DLGAP2: variants seen among roughly 807,000 people sequenced by gnomAD.
DLGAP2 encodes the protein disks large-associated protein 2.
DLGAP2 carries 26 observed loss-of-function variants against 100.3 expected under a neutral mutation model. The ratio of observed to expected loss-of-function variants is 0.26; its 90% CI spans 0.19 to 0.36. DLGAP2 has a LOEUF of 0.36. DLGAP2 is among the 10% of genes least tolerant of loss of function. The pLI is 1.00. For missense variants in DLGAP2, 1,858 were observed against 1,453.2 expected (o/e 1.28, Z -4.53); for synonymous variants, 886 against 630.1 (o/e 1.41, Z -6.08).
chr8:883,783 C>G (rs1797866644), intron 1 of DLGAP2, among the ~76,000 whole-genome samples: 1 of 152,186 alleles, frequency 6.6e-6, no homozygotes. Flanking sequence ...TGTAAGTTTC[C>G]TCCCCCCACT....
intron 3 of DLGAP2, among the ~76,000 whole-genome samples, chr8:1,498,528 A>G (rs1284051550): frequency 1.3e-5 from 2 of 152,200 alleles, no homozygotes; most frequent in Admixed American, 6.5e-5. Context: ...TTTGTAGGGC[A>G]TGACTCCCCA....
At chr8:1,364,276 G>A (rs1802055077) in intron 3 of DLGAP2, among the ~76,000 whole-genome samples, 1 of 152,210 alleles carries the variant, frequency 6.6e-6, no homozygotes, top group Non-Finnish European at 1.5e-5. Flanking sequence ...TGCCCCCAGA[G>A]GAGGGGTGCC....
intron 3 of DLGAP2, among the ~76,000 whole-genome samples, chr8:1,274,476 C>G (rs370564421): frequency 6.0e-5 from 7 of 116,046 alleles, no homozygotes; most frequent in Non-Finnish European, 1.4e-4. Context: ...TATTTTAGAA[C>G]ATAAACCATA....
At chr8:803,102 C>T (rs766499622) in intron 1 of DLGAP2, among the ~76,000 whole-genome samples, 2 of 152,162 alleles carry the variant, frequency 1.3e-5, no homozygotes, top group Non-Finnish European at 2.9e-5. Flanking sequence ...GGCTTCTGGG[C>T]TCCGTGGCTC....
chr8:1,146,596 T>A (rs1262818834), intron 2 of DLGAP2, among the ~76,000 whole-genome samples: 1 of 152,026 alleles, frequency 6.6e-6, no homozygotes, highest in African/African-American at 2.4e-5. Context: ...TGTGTGCACC[T>A]GCGCATGTGT....
chr8:945,088 C>G (rs933913112), intron 2 of DLGAP2, among the ~76,000 whole-genome samples: 5 of 152,196 alleles, frequency 3.3e-5, no homozygotes, highest in Non-Finnish European at 7.4e-5. Flanking sequence ...TTTGGGAATT[C>G]TTTGACAGAA....
At chr8:1,306,194 CCCCA>C (rs917492839) in intron 3 of DLGAP2, among the ~76,000 whole-genome samples, 2 of 151,728 alleles carry the variant, frequency 1.3e-5, no homozygotes, top group African/African-American at 4.8e-5. Context: ...GAAGATTCCC[CCCCA>C]CCCACACACA....
At chr8:1,688,317 AGGCCCCGGT>A (rs1360830327) in intron 12 of DLGAP2, 1 of 152,264 alleles carries the variant, frequency 6.6e-6, no homozygotes, top group African/African-American at 2.4e-5. Flanking sequence ...GAACGGCACA[AGGCCCCGGT>A]GTTAAGATGC....
At chr8:1,004,324 A>G (rs1801045086) in intron 2 of DLGAP2, among the ~76,000 whole-genome samples, 1 of 152,190 alleles carries the variant, frequency 6.6e-6, no homozygotes, top group Non-Finnish European at 1.5e-5. Flanking sequence ...GCATTTGGCC[A>G]CTTTAATTTT....
At chr8:1,425,247 TC>T (rs1797206201) in intron 3 of DLGAP2, among the ~76,000 whole-genome samples, 1 of 152,224 alleles carries the variant, frequency 6.6e-6, no homozygotes, top group Non-Finnish European at 1.5e-5. Flanking sequence ...AGTGAAAATA[TC>T]TGTCTGTATT....
intron 3 of DLGAP2, among the ~76,000 whole-genome samples, chr8:1,485,488 G>A (rs1318797332): frequency 2.0e-5 from 3 of 152,256 alleles, no homozygotes; most frequent in Admixed American, 2.0e-4. Context: ...TAATGGACTC[G>A]CTGGATGCAG....
At chr8:1,107,945 G>T (rs73524655) in intron 2 of DLGAP2, among the ~76,000 whole-genome samples, 1 of 152,192 alleles carries the variant, frequency 6.6e-6, no homozygotes, top group Non-Finnish European at 1.5e-5. Context: ...GTAACCCTGG[G>T]TTGTGGACTC....
intron 1 of DLGAP2, among the ~76,000 whole-genome samples, chr8:852,271 T>C (rs1797196090): frequency 6.6e-6 from 1 of 152,194 alleles, no homozygotes; most frequent in Admixed American, 6.5e-5. Flanking sequence ...TCCCTGCACG[T>C]GGATCTGGAG....
At chr8:1,600,972 A>G (rs115480652) in intron 6 of DLGAP2, among the ~76,000 whole-genome samples, 1,575 of 152,196 alleles carry the variant, frequency 0.01, 18 homozygotes, top group African/African-American at 0.023. Context: ...GGAATTTTCA[A>G]CCTTGTTGTG....
chr8:815,337 C>A (rs373257962), intron 1 of DLGAP2, among the ~76,000 whole-genome samples: 2 of 152,134 alleles, frequency 1.3e-5, no homozygotes, highest in African/African-American at 4.8e-5. Context: ...TCCCTCAAGC[C>A]TTTTTAGGAG....
intron 2 of DLGAP2, among the ~76,000 whole-genome samples, chr8:1,138,349 T>C (rs1184085968): frequency 6.6e-6 from 1 of 152,252 alleles, no homozygotes; most frequent in Non-Finnish European, 1.5e-5. Context: ...CTGGAAGCTC[T>C]GCAGGCCCTG....
rs377648544 is a variant in DLGAP2 at position 824,990 on chromosome 8, C to T, written c.19-82922C>T. Among the ~76,000 whole-genome samples the T allele has an allele frequency of 1.7e-4, 26 of 152,272 alleles. No homozygotes were observed. In the South Asian group the frequency reaches 4.4e-3, roughly 26 times the overall value. ...CCCACCTCCGTGGCGGTCTTTGGAG[C>T]GATGTCTTCTGGCTGCAGGACAAGC... On this transcript the variant is annotated intron_variant, in intron 1 of 14. Transcript: ENST00000637795.
intron 2 of DLGAP2, among the ~76,000 whole-genome samples, chr8:1,010,648 G>T (rs923682019): frequency 6.6e-6 from 1 of 152,224 alleles, no homozygotes; most frequent in African/African-American, 2.4e-5. Flanking sequence ...AATGGGTGAG[G>T]CTTTTCCCAT....
intron 2 of DLGAP2, among the ~76,000 whole-genome samples, chr8:1,171,647 T>C (rs1474307167): frequency 1.3e-5 from 2 of 152,212 alleles, no homozygotes; most frequent in Non-Finnish European, 2.9e-5. Flanking sequence ...ATGGCCTTCT[T>C]TGTCAACTTT....
Sources: gnomAD v4.1 joint callset for allele counts (sites outside exome capture counted in the v4.1 genomes callset) on GRCh38, gnomAD v4.1.1 for gene constraint, MANE v1.5 for transcripts, NCBI Gene and HGNC (gene_info 2026-07-23, HGNC 2026-07-21) for gene names.